Variants in ZNF385B observed in about 807,000 individuals in gnomAD.
ZNF385B encodes zinc finger protein 385B.
Under a neutral mutation model 39.2 loss-of-function variants are expected in ZNF385B, and 23 were observed. The ratio of observed to expected loss-of-function variants is 0.59; its 90% confidence interval spans 0.42 to 0.83. The LOEUF is 0.83. ZNF385B is among the 40% of genes least tolerant of loss of function. The pLI is 0.00. For missense variants in ZNF385B, 552 were observed against 598.9 expected (o/e 0.92, Z 0.82); for synonymous variants, 205 against 222.6 (o/e 0.92, Z 0.70).
intron 3 of ZNF385B, among the ~76,000 whole-genome samples, chr2:179,741,313 C>T (rs374067138): frequency 4.7e-4 from 71 of 152,070 alleles, no homozygotes; most frequent in African/African-American, 1.7e-3. Context: ...GATTTTTTTT[C>T]TCATTTTGAG....
rs981445692 is a variant in ZNF385B at position 179,442,941 on chromosome 2, C to A, written c.*309G>T. On this transcript the variant is annotated 3_prime_UTR_variant, in exon 10 of 10. Transcript: ENST00000410066. ...GGAAAAATAGAGAATGGTTTTCTTTCTTTTTCTTTCTGACCAATACATGCT... is the reference window on the plus strand; with the variant it reads ...GGAAAAATAGAGAATGGTTTTCTTTATTTTTCTTTCTGACCAATACATGCT... 2 of 435,740 alleles carry A rather than the reference C, an allele frequency of 4.6e-6. No individual in the cohort carries two copies. The highest frequency in any genetic ancestry group is 4.0e-5 in the African/African-American group (2 of 49,662). 27.0% of individuals were successfully genotyped at this position (435,740 alleles called of 1,614,324 possible). A position where few individuals can be genotyped will look rare whatever the true frequency, so the allele number is the denominator to read the frequency against.
intron 3 of ZNF385B, among the ~76,000 whole-genome samples, chr2:179,665,366 G>A (rs1695010289): frequency 6.6e-6 from 1 of 152,164 alleles, no homozygotes; most frequent in African/African-American, 2.4e-5. Context: ...TTTCAGAGAG[G>A]TGATGACGAG....
At chr2:179,521,355 T>TTTG (rs1553594675) in intron 4 of ZNF385B, among the ~76,000 whole-genome samples, 3 of 144,144 alleles carry the variant, frequency 2.1e-5, no homozygotes, top group Admixed American at 6.9e-5. Context: ...CCTGGCCAGT[T>TTTG]TTTTTTTTTT....
chr2:179,598,298 T>C (rs997630786), intron 3 of ZNF385B, among the ~76,000 whole-genome samples: 1 of 152,174 alleles, frequency 6.6e-6, no homozygotes, highest in African/African-American at 2.4e-5. Flanking sequence ...CTCTAGTTCA[T>C]GTGTTTTCTA....
intron 3 of ZNF385B, among the ~76,000 whole-genome samples, chr2:179,751,900 A>G (rs1272799890): frequency 6.6e-6 from 1 of 151,970 alleles, no homozygotes; most frequent in Non-Finnish European, 1.5e-5. Flanking sequence ...TCATTTTAAA[A>G]TCTCTTTTTT....
At chr2:179,856,669 A>G (rs1684628667) in intron 1 of ZNF385B, among the ~76,000 whole-genome samples, 1 of 151,746 alleles carries the variant, frequency 6.6e-6, no homozygotes, top group African/African-American at 2.4e-5. Context: ...AAAGGAGAAC[A>G]GCCACAATCC....
At chr2:179,463,032 T>C (rs59389231) in intron 6 of ZNF385B, among the ~76,000 whole-genome samples, 3,539 of 152,240 alleles carry the variant, frequency 0.023, 132 homozygotes, top group African/African-American at 0.081. Context: ...TAAAAAGTTA[T>C]ATATACCTCA....
rs1177361770 is a variant in ZNF385B at position 179,543,625 on chromosome 2, G to C, written c.441+1202C>G. 9.2e-5 allele frequency among the ~76,000 whole-genome samples: 14 copies of C among 152,048 alleles called. No individual in the cohort carries two copies. In the South Asian group the frequency reaches 2.7e-3, roughly 29 times the overall value. On this transcript the variant is annotated intron_variant, in intron 4 of 9. Coordinates refer to ENST00000410066, the MANE Select transcript of ZNF385B (RefSeq NM_152520.6). ...AGGCAGGCATGATTTATCCTATTGA[G>C]CCACTCCACTGCTCTAGGAACAATG... is the stretch of plus-strand genomic sequence containing the variant.
rs1236827680 is a variant in ZNF385B at position 179,663,908 on chromosome 2, A to G, written c.298+105595T>C. On this transcript the variant is annotated intron_variant, in intron 3 of 9. Transcript: ENST00000410066. Reference sequence around the variant, plus strand: ...CACAAGCAAATTGTCCAGGGTCACAAATCTTCAAATCCAGTGGTCCTACCC... The same window carrying G: ...CACAAGCAAATTGTCCAGGGTCACAGATCTTCAAATCCAGTGGTCCTACCC... 2.0e-5 allele frequency among the ~76,000 whole-genome samples: 3 copies of G among 152,074 alleles called. 1 individual carries two copies. The highest frequency in any genetic ancestry group is 2.9e-5 in the Non-Finnish European group (2 of 68,008).
At chr2:179,521,059 C>T (rs2222174) in intron 4 of ZNF385B, among the ~76,000 whole-genome samples, 111,523 of 151,972 alleles carry the variant, frequency 0.73, 41,536 homozygotes, top group East Asian at 0.91. Context: ...TCTTAGTAGA[C>T]TATTGTATCT....
intron 3 of ZNF385B, among the ~76,000 whole-genome samples, chr2:179,644,126 G>C (rs1449469604): frequency 6.6e-6 from 1 of 151,990 alleles, no homozygotes; most frequent in Non-Finnish European, 1.5e-5. Flanking sequence ...TGAAATCCTG[G>C]AGTTTGCTTC....
intron 5 of ZNF385B, among the ~76,000 whole-genome samples, chr2:179,490,334 C>A (rs1358212514): frequency 1.3e-5 from 2 of 152,058 alleles, no homozygotes; most frequent in African/African-American, 2.4e-5. Context: ...CACACACACA[C>A]ACACATATAT....
chr2:179,765,758 G>A (rs1430425165), intron 3 of ZNF385B, among the ~76,000 whole-genome samples: 1 of 152,114 alleles, frequency 6.6e-6, no homozygotes, highest in African/African-American at 2.4e-5. Context: ...TGGACCCTGT[G>A]AGACAAAGAA....
chr2:179,481,853 A>G (rs2054032479), intron 6 of ZNF385B, among the ~76,000 whole-genome samples: 1 of 152,178 alleles, frequency 6.6e-6, no homozygotes, highest in Non-Finnish European at 1.5e-5. Flanking sequence ...TAACTGCCAC[A>G]TTGTGTACCT....
chr2:179,860,764 C>A, intron 1 of ZNF385B: 1 of 457,714 alleles, frequency 2.2e-6, no homozygotes. Flanking sequence ...TAGCGGGGCA[C>A]TCTCCTCGTC....
intron 4 of ZNF385B, among the ~76,000 whole-genome samples, chr2:179,520,498 T>G (rs78540077): frequency 0.02 from 3,062 of 152,294 alleles, 59 homozygotes; most frequent in East Asian, 0.1. Flanking sequence ...AATAAATTCC[T>G]AGTTCACTTT....
intron 3 of ZNF385B, among the ~76,000 whole-genome samples, chr2:179,710,349 T>A (rs939458186): frequency 6.6e-6 from 1 of 152,120 alleles, no homozygotes; most frequent in African/African-American, 2.4e-5. Flanking sequence ...GAGCACATCA[T>A]TAAATGGCCC....
intron 3 of ZNF385B, among the ~76,000 whole-genome samples, chr2:179,556,741 T>C (rs763930656): frequency 6.7e-6 from 1 of 149,470 alleles, no homozygotes; most frequent in Non-Finnish European, 1.5e-5. Context: ...GAAGCCTCTT[T>C]CTATTACAAA....
intron 3 of ZNF385B, among the ~76,000 whole-genome samples, chr2:179,632,416 T>C (rs1312174288): frequency 6.6e-6 from 1 of 152,116 alleles, no homozygotes; most frequent in African/African-American, 2.4e-5. Flanking sequence ...ACCACACAAT[T>C]ACATGGAAAC....
Sources: allele counts gnomAD v4.1 joint callset (sites outside exome capture counted in the v4.1 genomes callset), GRCh38; gene constraint gnomAD v4.1.1; transcripts MANE v1.5; gene names NCBI Gene and HGNC (gene_info 2026-07-23, HGNC 2026-07-21).